MDM4: variants seen among roughly 807,000 people sequenced by gnomAD.
MDM4 encodes MDM4 regulator of p53.
In MDM4, 2 loss-of-function variants were observed where a neutral mutation model predicts 60.2. The observed-to-expected ratio is 0.03, with a 90% CI of 0.01 to 0.10. MDM4 has a LOEUF of 0.10. Among genes scored for constraint, MDM4 ranks in the 10% least tolerant of loss-of-function variants. The pLI is 1.00. For synonymous variants in MDM4, 202 were observed against 198.1 expected, an observed-to-expected ratio of 1.02 and a Z score of -0.17; for missense variants, 447 against 577.5, an observed-to-expected ratio of 0.77 and a Z score of 2.32.
At position 204,551,768 on chromosome 1, in the gene MDM4, G is replaced by A. The variant is rs911154128; in HGVS notation, c.*2086G>A. On this transcript the variant is annotated 3_prime_UTR_variant, in exon 11 of 11. Coordinates refer to ENST00000367182, the MANE Select transcript of MDM4 (RefSeq NM_002393.5). ...GGTTGCTTGTTAAAAATGTCCAAAC[G>A]TGCAGAGACTGATCTTTGAGATCTG... 1 of 226,542 alleles carries A rather than the reference G, an allele frequency of 4.4e-6. No individual in the cohort carries two copies. Among genetic ancestry groups the A allele is most frequent in the Non-Finnish European group, 8.8e-6 (1 of 114,020 alleles). The allele number at this position is 226,542 out of a possible 1,614,324, so 14.0% of individuals were successfully genotyped here. A position where few individuals can be genotyped will look rare whatever the true frequency, so the allele number is the denominator to read the frequency against.
At chr1:204,518,086 G>A (rs1389070527) in intron 1 of MDM4, among the ~76,000 whole-genome samples, 1 of 152,174 alleles carries the variant, frequency 6.6e-6, no homozygotes. Context: ...ATCCCAGGAG[G>A]TAAAGGCTGC....
chr1:204,523,328 G>A (rs1284509582), intron 1 of MDM4, among the ~76,000 whole-genome samples: 6 of 149,394 alleles, frequency 4.0e-5, no homozygotes, highest in Non-Finnish European at 7.5e-5. Context: ...TTAGCTGGGC[G>A]TGGTGGTGGG....
Position 204,555,318 on chromosome 1 carries a change from C to G in MDM4, c.*5636C>G, listed in dbSNP as rs1663466289. On this transcript the variant is annotated 3_prime_UTR_variant, in exon 11 of 11. Coordinates refer to ENST00000367182, the MANE Select transcript of MDM4 (RefSeq NM_002393.5). ...TATAGGCGCCCGCCACCACGCCTGG[C>G]TAATTTTTGTATTTTTATTGGAGAC... is the stretch of plus-strand genomic sequence containing the variant. 1 of 165,484 alleles carries G rather than the reference C, an allele frequency of 6.0e-6. No individual in the cohort carries two copies. Among genetic ancestry groups the G allele is most frequent in the African/African-American group, 2.4e-5 (1 of 41,770 alleles). 10.3% of individuals were successfully genotyped at this position (165,484 alleles called of 1,614,324 possible).
intron 8 of MDM4, 41 bp from the exon 9 acceptor site, chr1:204,544,494 C>T (rs2102427700): frequency 6.3e-7 from 1 of 1,575,848 alleles, no homozygotes; most frequent in Non-Finnish European, 8.7e-7. Flanking sequence ...CTCTGATAAA[C>T]CTCTGAATAC....
intron 1 of MDM4, chr1:204,525,217 A>G (rs368482883): frequency 1.1e-5 from 4 of 349,430 alleles, no homozygotes; most frequent in Admixed American, 6.5e-5. Flanking sequence ...GATTAACATC[A>G]GTTGGAGGTT....
intron 7 of MDM4, among the ~76,000 whole-genome samples, chr1:204,540,669 A>G (rs934639666): frequency 1.3e-5 from 2 of 152,098 alleles, no homozygotes; most frequent in African/African-American, 4.8e-5. Flanking sequence ...AGGCTGAGGC[A>G]GGATAATTGC....
chr1:204,524,415 A>C (rs1157783976), intron 1 of MDM4, among the ~76,000 whole-genome samples: 1 of 152,190 alleles, frequency 6.6e-6, no homozygotes, highest in Non-Finnish European at 1.5e-5. Flanking sequence ...CTTGTTAGTC[A>C]TCAGTTTTAA....
At chr1:204,534,621 G>T (rs1426828192) in intron 5 of MDM4, among the ~76,000 whole-genome samples, 1 of 152,056 alleles carries the variant, frequency 6.6e-6, no homozygotes, top group Non-Finnish European at 1.5e-5. Flanking sequence ...CTCAGTAGCT[G>T]GGACTACAGG....
chr1:204,536,300 C>G (rs931222264), intron 5 of MDM4, among the ~76,000 whole-genome samples: 1 of 152,286 alleles, frequency 6.6e-6, no homozygotes, highest in East Asian at 1.9e-4. Context: ...AGTCCAACTT[C>G]GCTTTGAAGA....
At chr1:204,529,656 C>G in intron 3 of MDM4, 3 of 759,262 alleles carry the variant, frequency 4.0e-6, no homozygotes, top group Non-Finnish European at 6.3e-6. Context: ...GCTTGCCCTG[C>G]ATCTCCAGGG....
chr1:204,546,971 C>G (rs569703632), intron 10 of MDM4, 94 bp downstream of exon 10: 2 of 704,522 alleles, frequency 2.8e-6, no homozygotes, highest in East Asian at 5.8e-5. Flanking sequence ...GCTGTTTACC[C>G]CTCATTTCTG....
chr1:204,523,876 A>G (rs886907636), intron 1 of MDM4, among the ~76,000 whole-genome samples: 3 of 152,164 alleles, frequency 2.0e-5, no homozygotes, highest in African/African-American at 7.2e-5. Context: ...GGTAGCCCCT[A>G]CTTCTGTGTT....
Position 204,551,580 on chromosome 1 carries a change from A to G in MDM4, c.*1898A>G, listed in dbSNP as rs1663210524. On this transcript the variant is annotated 3_prime_UTR_variant, in exon 11 of 11. Coordinates refer to ENST00000367182, the MANE Select transcript of MDM4 (RefSeq NM_002393.5). The stretch of plus-strand genomic sequence containing the variant: ...CTCATCAGAGCACATATTTTAGGAC[A>G]ACACATATGGAAATTGGACATCTTT... The G allele has an allele frequency of 4.4e-6, 1 of 229,306 alleles. No individual in the cohort carries two copies. The highest frequency in any genetic ancestry group is 6.2e-5 in the East Asian group (1 of 16,190). 14.2% of individuals were successfully genotyped at this position (229,306 alleles called of 1,614,324 possible). A position where few individuals can be genotyped will look rare whatever the true frequency, so the allele number is the denominator to read the frequency against.
chr1:204,548,324 C>G (rs572795316), intron 10 of MDM4, among the ~76,000 whole-genome samples: 5 of 152,192 alleles, frequency 3.3e-5, no homozygotes, highest in Non-Finnish European at 5.9e-5. Flanking sequence ...GTGCCCTTGC[C>G]TCAGTCTGGA....
In MDM4 at chr1:204,551,659, G is replaced by A. The variant is rs1663219301; in HGVS notation, c.*1977G>A. On this transcript the variant is annotated 3_prime_UTR_variant, in exon 11 of 11. Coordinates refer to ENST00000367182, the MANE Select transcript of MDM4 (RefSeq NM_002393.5). ...ATCCTTACCCCCATGGGAAAATGTT[G>A]GTGTGTTCTCAAGGGTATGCATGTG... 2 of 231,014 alleles carry A rather than the reference G, an allele frequency of 8.7e-6. No homozygotes were observed. The highest frequency in any genetic ancestry group is 2.2e-5 in the African/African-American group (1 of 44,978). The allele number at this position is 231,014 out of a possible 1,614,324, so 14.3% of individuals were successfully genotyped here.
At chr1:204,531,944 G>A (rs546243633) in intron 4 of MDM4, among the ~76,000 whole-genome samples, 1 of 152,214 alleles carries the variant, frequency 6.6e-6, no homozygotes, top group African/African-American at 2.4e-5. Context: ...ATTACTGTTC[G>A]CTAATGAAAT....
At chr1:204,523,848 G>C (rs1179666329) in intron 1 of MDM4, among the ~76,000 whole-genome samples, 1 of 152,178 alleles carries the variant, frequency 6.6e-6, no homozygotes, top group Non-Finnish European at 1.5e-5. Context: ...AGGGGAAGGG[G>C]TTCTTATCCC....
rs771633808 is a variant in MDM4, at chr1:204,537,430, A to G, written c.344A>G (p.Asp115Gly). ...NLVTLATATT[D>G]AAQTLALAQD... ...TCCTTTTGTTTTACTTGCTATCCAG[A>G]TGCTGCTCAGACTCTCGCTCTCGCA... The change falls in exon 6 of 11, where the codon GAT (aspartate) becomes GGT (glycine). Residue 115 changes from aspartate to glycine, a missense_variant and splice_region_variant. Coordinates refer to ENST00000367182, the MANE Select transcript of MDM4 (RefSeq NM_002393.5). 3 of 1,612,548 alleles carry G rather than the reference A, an allele frequency of 1.9e-6. No individual in the cohort carries two copies. Among genetic ancestry groups the G allele is most frequent in the Non-Finnish European group, 1.7e-6 (2 of 1,178,724 alleles).
intron 3 of MDM4, chr1:204,529,367 A>G: frequency 1.1e-6 from 1 of 911,200 alleles, no homozygotes; most frequent in South Asian, 1.3e-5. Flanking sequence ...GAGGGGAGCC[A>G]CCCTGTCCAT....
Sources: gnomAD v4.1 joint callset for allele counts (sites outside exome capture counted in the v4.1 genomes callset) on GRCh38, gnomAD v4.1.1 for gene constraint, MANE v1.5 for transcripts, NCBI Gene and HGNC (gene_info 2026-07-23, HGNC 2026-07-21) for gene names.